The following SCUBE1 variants were observed in gnomAD, a reference collection of about 807,000 sequenced individuals.
The protein encoded by SCUBE1 is signal peptide, CUB domain and EGF like domain containing 1.
A neutral mutation model predicts 124.4 loss-of-function variants in SCUBE1; 59 were observed. The observed-to-expected ratio is 0.47, with a 90% confidence interval of 0.38 to 0.59. SCUBE1 has a LOEUF of 0.59. SCUBE1 is among the 20% of genes least tolerant of loss of function. The probability of loss-of-function intolerance (pLI) is 0.00; values close to 1 mark genes in which losing one functional copy is unlikely to be tolerated. For missense variants in SCUBE1, 1,150 were observed against 1,371.2 expected, an observed-to-expected ratio of 0.84 and a Z score of 2.55; for synonymous variants, 545 against 550.9, an observed-to-expected ratio of 0.99 and a Z score of 0.15.
At position 43,271,657 on chromosome 22, in the gene SCUBE1, A is replaced by C. The variant is rs1241247918; in HGVS notation, c.485-8812T>G. ...TTCCACCCTGTATCCCCCAGATTAC[A>C]TTCTCTGGGGCAAATCTAGGCCTGC... On this transcript the variant is annotated intron_variant, in intron 4 of 21. Coordinates refer to ENST00000360835, the MANE Select transcript of SCUBE1 (RefSeq NM_173050.5). 2.0e-5 allele frequency among the ~76,000 whole-genome samples: 3 copies of C among 152,264 alleles called. No individual in the cohort carries two copies. The East Asian group carries it at 5.8e-4, about 29-fold the overall frequency.
chr22:43,334,600 GCACCATCAACATTATCATCAC>G (rs1289475081), intron 2 of SCUBE1, among the ~76,000 whole-genome samples: 4,064 of 149,558 alleles, frequency 0.027, 94 homozygotes, highest in Middle Eastern at 0.041. Context: ...CACCATAACA[GCACCATCAACATTATCATCAC>G]CACCATCAAC....
Position 43,204,158 on chromosome 22 carries a change from T to TA in SCUBE1, c.2815-10dup. ...TTGATCAGCTTCTTGTCCTGTAAGA[T>TA]AGAGTGGGTGGGAGGCAGGGGAGGC... On this transcript the variant is annotated splice_polypyrimidine_tract_variant and intron_variant, in intron 21 of 21. Transcript: ENST00000360835. The TA allele has an allele frequency of 6.2e-7, 1 of 1,613,412 alleles. No individual in the cohort carries two copies. Among genetic ancestry groups the TA allele is most frequent in the Non-Finnish European group, 8.5e-7 (1 of 1,179,780 alleles).
At chr22:43,342,270 G>A (rs570277762) in intron 1 of SCUBE1, among the ~76,000 whole-genome samples, 4 of 151,752 alleles carry the variant, frequency 2.6e-5, no homozygotes, top group Non-Finnish European at 4.4e-5. Context: ...AGGGTGGGGG[G>A]GTCCCCGTGA....
intron 3 of SCUBE1, among the ~76,000 whole-genome samples, chr22:43,316,427 T>C (rs1405040453): frequency 6.6e-6 from 1 of 152,214 alleles, no homozygotes; most frequent in East Asian, 1.9e-4. Context: ...ATACTCTCTC[T>C]ATCATTTGAA....
At position 43,198,455 on chromosome 22, in the gene SCUBE1, T is replaced by C. The variant is rs1281114832; in HGVS notation, c.*5542A>G. The C allele has an allele frequency of 2.3e-6, 1 of 425,768 alleles. No individual in the cohort carries two copies. Among genetic ancestry groups the C allele is most frequent in the Admixed American group, 2.4e-5 (1 of 40,992 alleles). The allele number at this position is 425,768 out of a possible 1,614,324, so 26.4% of individuals were successfully genotyped here. On this transcript the variant is annotated 3_prime_UTR_variant, in exon 22 of 22. Transcript: ENST00000360835. Reference sequence around the variant, plus strand: ...GGTGGGATCAGGCCAACCCCAGCTCTGCCTGCCCAGGACTTACTCCTGGAA... The same window carrying C: ...GGTGGGATCAGGCCAACCCCAGCTCCGCCTGCCCAGGACTTACTCCTGGAA...
chr22:43,340,386 T>C (rs5759291), intron 1 of SCUBE1, among the ~76,000 whole-genome samples: 87,840 of 151,790 alleles, frequency 0.58, 26,066 homozygotes, highest in African/African-American at 0.71. Context: ...ACATATACAC[T>C]TTCAGTCTGG....
At chr22:43,343,058 G>T in intron 1 of SCUBE1, 116 bp downstream of exon 1, 1 of 372,606 alleles carries the variant, frequency 2.7e-6, no homozygotes, top group Non-Finnish European at 3.9e-6. Context: ...AGAGGCAGGG[G>T]GCGCGGGGCC....
chr22:43,340,540 GGCAGGGAGGGGACGT>G (rs958333589), intron 1 of SCUBE1, among the ~76,000 whole-genome samples: 5 of 149,654 alleles, frequency 3.3e-5, no homozygotes, highest in Non-Finnish European at 5.9e-5. Context: ...ACAGAGTTCA[GGCAGGGAGGGGACGT>G]GCCTCTTGTC....
Position 43,258,135 on chromosome 22 carries a change from C to A in SCUBE1, c.727+84G>T. On this transcript the variant is annotated intron_variant, in intron 6 of 21. Coordinates refer to ENST00000360835, the MANE Select transcript of SCUBE1 (RefSeq NM_173050.5). The surrounding 1 kb of genome is among the most constrained non-coding windows in gnomAD (Gnocchi z 5.0). ...TTCCTTCCGGGGAACCCGGACGTGG[C>A]AGGGTGCTGGCCCTGCTGGTGCACG... 1.1e-6 allele frequency: 1 copy of A among 942,762 alleles called. No homozygotes were observed. The allele number at this position is 942,762 out of a possible 1,614,324, so 58.4% of individuals were successfully genotyped here. A position where few individuals can be genotyped will look rare whatever the true frequency, so the allele number is the denominator to read the frequency against.
chr22:43,315,174 T>C (rs1201513356), intron 3 of SCUBE1, among the ~76,000 whole-genome samples: 3 of 151,920 alleles, frequency 2.0e-5, no homozygotes, highest in Non-Finnish European at 4.4e-5. Context: ...GTGATGACAA[T>C]ATCCAGCACC....
At chr22:43,235,690 A>T (rs1263731107) in intron 7 of SCUBE1, among the ~76,000 whole-genome samples, 1 of 152,156 alleles carries the variant, frequency 6.6e-6, no homozygotes, top group Non-Finnish European at 1.5e-5. Flanking sequence ...ACTGCCAGCC[A>T]CCGGCAGCCC....
intron 5 of SCUBE1, among the ~76,000 whole-genome samples, chr22:43,259,730 C>T (rs952207698): frequency 5.3e-5 from 8 of 152,268 alleles, no homozygotes; most frequent in African/African-American, 1.4e-4. Flanking sequence ...AGATGCTGTC[C>T]GCTGCAACCA....
intron 6 of SCUBE1, among the ~76,000 whole-genome samples, chr22:43,252,175 G>A (rs1282992258): frequency 2.6e-5 from 4 of 152,228 alleles, no homozygotes; most frequent in South Asian, 2.1e-4. Context: ...AGCAATTGCT[G>A]GGTGCAGCCG....
chr22:43,271,533 A>T (rs979482563), intron 4 of SCUBE1, among the ~76,000 whole-genome samples: 22 of 152,078 alleles, frequency 1.4e-4, no homozygotes, highest in Admixed American at 7.9e-4. Flanking sequence ...CTCCCCCTGG[A>T]TCCCCTAATT....
chr22:43,254,722 A>G (rs1923591140), intron 6 of SCUBE1, among the ~76,000 whole-genome samples: 1 of 152,230 alleles, frequency 6.6e-6, no homozygotes, highest in African/African-American at 2.4e-5. Flanking sequence ...GACCACAGCT[A>G]CGCTCAGGAG....
At chr22:43,238,981 C>A in intron 6 of SCUBE1, 27 bp from the exon 7 acceptor site, 1 of 1,572,716 alleles carries the variant, frequency 6.4e-7, no homozygotes, top group Non-Finnish European at 8.7e-7. Flanking sequence ...ACAGAGACCT[C>A]AGTTTCCTTG....
chr22:43,291,573 G>A (rs531555410), intron 3 of SCUBE1, among the ~76,000 whole-genome samples: 54 of 151,936 alleles, frequency 3.6e-4, no homozygotes, highest in Admixed American at 1.7e-3. Context: ...GGCCCCCATC[G>A]CGCTGCACTA....
chr22:43,232,655 A>G (rs1187134417), intron 7 of SCUBE1: 1 of 152,166 alleles, frequency 6.6e-6, no homozygotes, highest in East Asian at 1.9e-4. Context: ...GCCTGGCCCG[A>G]TCCCGTGTAA....
rs147693510 is a variant in SCUBE1, at chr22:43,272,718, G to T, written c.485-9873C>A. ...GTTGGTTGATGAGCTCACCGGGCAC[G>T]GACATGGGCCACAGCTCCGAGAGAA... On this transcript the variant is annotated intron_variant, in intron 4 of 21. Transcript: ENST00000360835. 2.6e-5 allele frequency among the ~76,000 whole-genome samples: 4 copies of T among 152,312 alleles called. No individual in the cohort carries two copies. The South Asian group carries it at 6.2e-4, about 24-fold the overall frequency.
Sources: gnomAD v4.1 joint callset for allele counts (sites outside exome capture counted in the v4.1 genomes callset) on GRCh38, gnomAD v4.1.1 for gene constraint, Gnocchi (gnomAD v3.1) non-coding constraint, MANE v1.5 for transcripts, NCBI Gene and HGNC (gene_info 2026-07-23, HGNC 2026-07-21) for gene names.